Variants in AMPH observed in about 807,000 individuals in gnomAD.
The protein encoded by AMPH is amphiphysin.
AMPH carries 49 observed loss-of-function variants against 99.1 expected under a neutral mutation model. That is an observed-to-expected ratio of 0.49 (90% CI 0.39 to 0.63). The LOEUF is 0.63. Ranked by LOEUF, AMPH falls within the 20% of genes least tolerant of loss-of-function variation. AMPH has a pLI of 0.00. For missense variants in AMPH, 759 were observed against 863.4 expected (o/e 0.88, Z 1.52); for synonymous variants, 314 against 317.3 (o/e 0.99, Z 0.11).
rs138232861 is a variant in AMPH at position 38,583,275 on chromosome 7, C to T, written c.69+48008G>A. 3.2e-4 allele frequency among the ~76,000 whole-genome samples: 48 copies of T among 152,280 alleles called. No homozygotes were observed. In the East Asian group the frequency reaches 8.9e-3, roughly 28 times the overall value. ...GTGACTTTGGCAACATACTTGACACCTCTGAGACTTTATTCTTCAATCTTT... is the reference window on the plus strand; with the variant it reads ...GTGACTTTGGCAACATACTTGACACTTCTGAGACTTTATTCTTCAATCTTT... On this transcript the variant is annotated intron_variant, in intron 1 of 20. Coordinates refer to ENST00000356264, the MANE Select transcript of AMPH (RefSeq NM_001635.4).
intron 1 of AMPH, among the ~76,000 whole-genome samples, chr7:38,569,186 T>C (rs1198364814): frequency 6.6e-6 from 1 of 152,104 alleles, no homozygotes; most frequent in South Asian, 2.1e-4. Flanking sequence ...AAATAATTTA[T>C]GCTACCTAAA....
intron 3 of AMPH, among the ~76,000 whole-genome samples, chr7:38,500,290 A>T (rs1789087641): frequency 6.6e-6 from 1 of 152,204 alleles, no homozygotes. Context: ...CATTCCAATC[A>T]GCTGTGGACA....
chr7:38,428,265 G>A (rs1178137679), intron 14 of AMPH: 3 of 456,676 alleles, frequency 6.6e-6, no homozygotes, highest in South Asian at 4.6e-5. Flanking sequence ...GATTTGACCT[G>A]GATCTGTTCC....
rs1260523356 is a variant in AMPH, at chr7:38,555,252, A to T, written c.70-20241T>A. On this transcript the variant is annotated intron_variant, in intron 1 of 20. Transcript: ENST00000356264. ...AGAACCTGTCTCTAACACAATTTAA[A>T]AAAAAAAAAAAAAATTAGCCAAGCA... Among the ~76,000 whole-genome samples the T allele has an allele frequency of 6.1e-5, 5 of 82,418 alleles. No individual in the cohort carries two copies. In the East Asian group the frequency reaches 1.8e-3, roughly 29 times the overall value. 54.1% of individuals were successfully genotyped at this position (82,418 alleles called of 152,430 possible). A position where few individuals can be genotyped will look rare whatever the true frequency, so the allele number is the denominator to read the frequency against.
intron 1 of AMPH, among the ~76,000 whole-genome samples, chr7:38,605,598 C>T (rs932816997): frequency 1.6e-4 from 24 of 151,042 alleles, no homozygotes; most frequent in Admixed American, 2.6e-4. Context: ...TTTCTTGAAA[C>T]GAAGTTTCAC....
At chr7:38,427,372 A>C (rs1785817589) in intron 14 of AMPH, among the ~76,000 whole-genome samples, 1 of 152,184 alleles carries the variant, frequency 6.6e-6, no homozygotes, top group South Asian at 2.1e-4. Context: ...TTTGATGAAC[A>C]GCAATTATGA....
Position 38,491,154 on chromosome 7 carries a change from A to T in AMPH, c.301-9T>A. On this transcript the variant is annotated splice_polypyrimidine_tract_variant and intron_variant, in intron 4 of 20. Coordinates refer to ENST00000356264, the MANE Select transcript of AMPH (RefSeq NM_001635.4). ...CACAGCACATCACATTTCTAAAAGAAATAAAGAGACCACTGCTGAATTATT... is the reference window on the plus strand; with the variant it reads ...CACAGCACATCACATTTCTAAAAGATATAAAGAGACCACTGCTGAATTATT... 1 of 1,587,918 alleles carries T rather than the reference A, an allele frequency of 6.3e-7. No homozygotes were observed. The highest frequency in any genetic ancestry group is 8.6e-7 in the Non-Finnish European group (1 of 1,157,158).
At chr7:38,577,970 C>A (rs186735775) in intron 1 of AMPH, among the ~76,000 whole-genome samples, 1 of 152,194 alleles carries the variant, frequency 6.6e-6, no homozygotes, top group South Asian at 2.1e-4. Context: ...TGGAAACAAA[C>A]ACGATAGCTG....
intron 1 of AMPH, among the ~76,000 whole-genome samples, chr7:38,586,894 T>G (rs1792671105): frequency 6.6e-6 from 1 of 152,222 alleles, no homozygotes; most frequent in Non-Finnish European, 1.5e-5. Context: ...TTTCATGGCT[T>G]GTTCAGCAGA....
At chr7:38,527,454 CTGTA>C (rs1435657487) in intron 2 of AMPH, among the ~76,000 whole-genome samples, 1 of 152,064 alleles carries the variant, frequency 6.6e-6, no homozygotes, top group Non-Finnish European at 1.5e-5. Flanking sequence ...CATATAGATC[CTGTA>C]TGTGTTTTGT....
At chr7:38,439,458 T>C (rs1478338520) in intron 11 of AMPH, among the ~76,000 whole-genome samples, 2 of 152,196 alleles carry the variant, frequency 1.3e-5, no homozygotes, top group East Asian at 1.9e-4. Flanking sequence ...GCTACAAACA[T>C]AGCAAAAGGA....
At chr7:38,427,039 A>T in intron 14 of AMPH, 53 bp from the exon 15 acceptor site, 1 of 1,505,762 alleles carries the variant, frequency 6.6e-7, no homozygotes, top group Non-Finnish European at 9.2e-7. Flanking sequence ...ATCATTTTGT[A>T]GGACCAGTAA....
chr7:38,584,015 T>C (rs28695975), intron 1 of AMPH, among the ~76,000 whole-genome samples: 2,778 of 152,328 alleles, frequency 0.018, 87 homozygotes, highest in African/African-American at 0.063. Context: ...TTAGCAACAA[T>C]CTAAATCCAT....
chr7:38,485,851 T>A (rs1584153648), intron 5 of AMPH, among the ~76,000 whole-genome samples: 1 of 151,982 alleles, frequency 6.6e-6, no homozygotes, highest in East Asian at 1.9e-4. Context: ...GTGTGGAAAT[T>A]AAACAACACA....
chr7:38,483,304 C>A (rs373343077), intron 5 of AMPH, among the ~76,000 whole-genome samples: 1 of 152,054 alleles, frequency 6.6e-6, no homozygotes, highest in African/African-American at 2.4e-5. Flanking sequence ...TAGTGTAGAG[C>A]AAGCAGGAGG....
intron 2 of AMPH, among the ~76,000 whole-genome samples, chr7:38,516,927 G>C (rs1789768821): frequency 6.6e-6 from 1 of 152,198 alleles, no homozygotes; most frequent in African/African-American, 2.4e-5. Context: ...TTTCAGACTT[G>C]CATGGGGCCC....
chr7:38,446,343 A>G (rs1786780275), intron 11 of AMPH, among the ~76,000 whole-genome samples: 1 of 152,260 alleles, frequency 6.6e-6, no homozygotes, highest in Non-Finnish European at 1.5e-5. Flanking sequence ...GCATGCATGC[A>G]CACAAATATT....
intron 7 of AMPH, among the ~76,000 whole-genome samples, chr7:38,471,661 G>T (rs1787893072): frequency 6.6e-6 from 1 of 152,156 alleles, no homozygotes; most frequent in Non-Finnish European, 1.5e-5. Context: ...ACTGAGCACA[G>T]CAATCGAAAG....
chr7:38,566,480 G>C (rs957813659), intron 1 of AMPH, among the ~76,000 whole-genome samples: 8 of 152,080 alleles, frequency 5.3e-5, no homozygotes, highest in African/African-American at 1.9e-4. Context: ...TCAGGACATA[G>C]GCATAGGCAA....
Sources: gnomAD v4.1 joint callset for allele counts (sites outside exome capture counted in the v4.1 genomes callset) on GRCh38, gnomAD v4.1.1 for gene constraint, MANE v1.5 for transcripts, NCBI Gene and HGNC (gene_info 2026-07-23, HGNC 2026-07-21) for gene names.